ST18: variants seen among roughly 807,000 people sequenced by gnomAD.
The protein encoded by ST18 is ST18 C2H2C-type zinc finger transcription factor, also known as suppression of tumorigenicity 18 protein.
A neutral mutation model predicts 110.0 loss-of-function variants in ST18; 50 were observed. The ratio of observed to expected loss-of-function variants is 0.45; its 90% CI spans 0.36 to 0.58. The LOEUF (loss-of-function observed/expected upper bound fraction) is 0.58, where lower values mean the gene tolerates loss of function less well. ST18 is among the 20% of genes least tolerant of loss of function. ST18 has a pLI of 0.00. For missense variants in ST18, 1,306 were observed against 1,280.1 expected, an observed-to-expected ratio of 1.02 and a Z score of -0.31; for synonymous variants, 461 against 452.4, an observed-to-expected ratio of 1.02 and a Z score of -0.24.
chr8:52,131,851 G>T, intron 22 of ST18, 107 bp downstream of exon 22: 1 of 941,824 alleles, frequency 1.1e-6, no homozygotes, highest in Non-Finnish European at 1.6e-6. Context: ...CATCTCAACT[G>T]CTACAGTGAA....
Position 52,297,530 on chromosome 8 carries a change from G to T in ST18, c.-464-67453C>A, listed in dbSNP as rs572884599. Among the ~76,000 whole-genome samples, 8 of 152,144 alleles carry T rather than the reference G, an allele frequency of 5.3e-5. No individual in the cohort carries two copies. In the East Asian group the frequency reaches 1.5e-3, roughly 29 times the overall value. On this transcript the variant is annotated intron_variant, in intron 2 of 25. Transcript: ENST00000689386. ...GCTTAAAGCCAGCCTAGAAAAAATAGTATGTTTGCTCTGGCAGGACTAAGG... is the reference window on the plus strand; with the variant it reads ...GCTTAAAGCCAGCCTAGAAAAAATATTATGTTTGCTCTGGCAGGACTAAGG...
chr8:52,405,151 A>G (rs889898619), intron 2 of ST18: 14 of 152,258 alleles, frequency 9.2e-5, no homozygotes, highest in African/African-American at 3.1e-4. Context: ...ATTCTCTATT[A>G]TACATATTAG....
intron 2 of ST18, among the ~76,000 whole-genome samples, chr8:52,287,831 C>T (rs953617358): frequency 1.3e-5 from 2 of 152,122 alleles, no homozygotes; most frequent in Admixed American, 6.5e-5. Flanking sequence ...CTGAGATTCC[C>T]ACCTATTACG....
chr8:52,171,285 A>C (rs960804427), intron 10 of ST18, among the ~76,000 whole-genome samples: 3 of 152,162 alleles, frequency 2.0e-5, no homozygotes, highest in African/African-American at 7.2e-5. Context: ...CTCTCATTCA[A>C]ATTTGTCCCA....
At chr8:52,363,097 A>G (rs1246442998) in intron 2 of ST18, among the ~76,000 whole-genome samples, 1 of 152,212 alleles carries the variant, frequency 6.6e-6, no homozygotes, top group Non-Finnish European at 1.5e-5. Flanking sequence ...CTGTAGTCAC[A>G]GCTACTTGGG....
At chr8:52,144,231 T>C (rs2056377257) in intron 16 of ST18, among the ~76,000 whole-genome samples, 1 of 152,154 alleles carries the variant, frequency 6.6e-6, no homozygotes, top group Non-Finnish European at 1.5e-5. Context: ...TTTCTGGTTT[T>C]AATATTAAAA....
At chr8:52,371,830 G>T (rs776166397) in intron 2 of ST18, among the ~76,000 whole-genome samples, 4 of 152,174 alleles carry the variant, frequency 2.6e-5, no homozygotes, top group Non-Finnish European at 5.9e-5. Context: ...GGGGATGCTG[G>T]AGTAAGCAAC....
At chr8:52,284,212 T>C (rs980239431) in intron 2 of ST18, among the ~76,000 whole-genome samples, 7 of 152,194 alleles carry the variant, frequency 4.6e-5, no homozygotes, top group African/African-American at 1.7e-4. Context: ...GCAAAGGATG[T>C]TACAGTTAGA....
intron 2 of ST18, among the ~76,000 whole-genome samples, chr8:52,240,046 G>A (rs923419814): frequency 2.6e-5 from 4 of 152,058 alleles, no homozygotes; most frequent in Admixed American, 6.6e-5. Flanking sequence ...CACCCACCTC[G>A]GCCTCCCAAA....
intron 9 of ST18, 46 bp downstream of exon 9, chr8:52,180,076 C>T (rs777465481): frequency 6.3e-7 from 1 of 1,596,566 alleles, no homozygotes; most frequent in East Asian, 2.2e-5. Flanking sequence ...GCACAGAGTC[C>T]TTGGAGCCAG....
intron 8 of ST18, among the ~76,000 whole-genome samples, chr8:52,184,715 T>C (rs965665666): frequency 6.6e-6 from 1 of 152,206 alleles, no homozygotes. Flanking sequence ...TTTTCAGAAG[T>C]TATGTAACAT....
At chr8:52,137,272 A>C in intron 18 of ST18, 149 bp downstream of exon 18, 1 of 773,852 alleles carries the variant, frequency 1.3e-6, no homozygotes. Flanking sequence ...TTTATATCAC[A>C]TAATTTTATT....
At chr8:52,271,698 G>A (rs1441771197) in intron 2 of ST18, among the ~76,000 whole-genome samples, 1 of 152,130 alleles carries the variant, frequency 6.6e-6, no homozygotes, top group Non-Finnish European at 1.5e-5. Context: ...TCTCCTTTAA[G>A]TCATCATCTC....
chr8:52,296,151 G>T (rs1238363875), intron 2 of ST18, among the ~76,000 whole-genome samples: 2 of 152,034 alleles, frequency 1.3e-5, no homozygotes, highest in African/African-American at 4.8e-5. Flanking sequence ...AATGCTGGGG[G>T]GAAGGAGAAT....
chr8:52,368,033 A>C (rs1291627892), intron 2 of ST18, among the ~76,000 whole-genome samples: 2 of 152,048 alleles, frequency 1.3e-5, no homozygotes, highest in African/African-American at 4.8e-5. Context: ...GGTCTTGTCT[A>C]TTTCTCTAGC....
chr8:52,240,141 T>C (rs1240885011), intron 2 of ST18, among the ~76,000 whole-genome samples: 1 of 152,136 alleles, frequency 6.6e-6, no homozygotes, highest in Admixed American at 6.5e-5. Context: ...TTTAAGACTG[T>C]TTCAAATCCA....
intron 21 of ST18, among the ~76,000 whole-genome samples, chr8:52,132,853 C>G (rs1294683029): frequency 6.6e-6 from 1 of 152,110 alleles, no homozygotes; most frequent in African/African-American, 2.4e-5. Flanking sequence ...TTAAAACAAT[C>G]TTTTGCATTA....
At chr8:52,277,751 TCTTAA>T (rs958548978) in intron 2 of ST18, among the ~76,000 whole-genome samples, 4 of 152,234 alleles carry the variant, frequency 2.6e-5, no homozygotes, top group Non-Finnish European at 5.9e-5. Context: ...TTAGGTCATC[TCTTAA>T]CTTAAGGATT....
At chr8:52,141,630 C>T (rs915910435) in intron 17 of ST18, among the ~76,000 whole-genome samples, 12 of 135,798 alleles carry the variant, frequency 8.8e-5, no homozygotes, top group African/African-American at 4.3e-4. Flanking sequence ...AGCCTGAAGG[C>T]CTCTCACATA....
Sources: gnomAD v4.1 joint callset for allele counts (sites outside exome capture counted in the v4.1 genomes callset) on GRCh38, gnomAD v4.1.1 for gene constraint, MANE v1.5 for transcripts, NCBI Gene and HGNC (gene_info 2026-07-23, HGNC 2026-07-21) for gene names.